Variants in NCKAP5 observed in about 807,000 individuals in gnomAD.
The protein encoded by NCKAP5 is nck-associated protein 5.
A neutral mutation model predicts 167.0 loss-of-function variants in NCKAP5; 92 were observed. The observed-to-expected ratio is 0.55, with a 90% CI of 0.47 to 0.66. The LOEUF (loss-of-function observed/expected upper bound fraction) is 0.66, where lower values mean the gene tolerates loss of function less well. Among genes scored for constraint, NCKAP5 ranks in the 30% least tolerant of loss-of-function variants. The pLI, the probability that NCKAP5 is intolerant of heterozygous loss-of-function variation, is 0.00. For synonymous variants in NCKAP5, 891 were observed against 877.4 expected (o/e 1.02, Z -0.27); for missense variants, 2,378 against 2,315.0 (o/e 1.03, Z -0.56).
At chr2:133,428,615 T>C (rs530704023) in intron 3 of NCKAP5, among the ~76,000 whole-genome samples, 10 of 152,030 alleles carry the variant, frequency 6.6e-5, no homozygotes, top group South Asian at 4.2e-4. Context: ...AAGGGAAAAA[T>C]AGACATAATT....
chr2:132,857,038 G>A (rs1381465995), intron 11 of NCKAP5, among the ~76,000 whole-genome samples: 1 of 152,166 alleles, frequency 6.6e-6, no homozygotes. Flanking sequence ...GATGAAATTG[G>A]TGAGTGCTGT....
intron 8 of NCKAP5, among the ~76,000 whole-genome samples, chr2:132,895,401 A>G (rs545730229): frequency 6.6e-6 from 1 of 151,202 alleles, no homozygotes; most frequent in African/African-American, 2.4e-5. Context: ...GAGAGAAGTT[A>G]CCTTTGATTT....
At chr2:132,868,655 T>C (rs957634346) in intron 10 of NCKAP5, among the ~76,000 whole-genome samples, 1 of 152,196 alleles carries the variant, frequency 6.6e-6, no homozygotes, top group Non-Finnish European at 1.5e-5. Context: ...TGCAAGTTTG[T>C]ATTTACTAAA....
At chr2:132,906,229 C>T (rs1375213647) in intron 8 of NCKAP5, among the ~76,000 whole-genome samples, 1 of 152,100 alleles carries the variant, frequency 6.6e-6, no homozygotes, top group Non-Finnish European at 1.5e-5. Context: ...GAGTAGCTAA[C>T]AGAGCAAGAG....
At chr2:132,702,231 C>T (rs946163877) in intron 19 of NCKAP5, among the ~76,000 whole-genome samples, 6 of 152,130 alleles carry the variant, frequency 3.9e-5, no homozygotes, top group Non-Finnish European at 8.8e-5. Flanking sequence ...AAGACATTCT[C>T]CACTGAGCTC....
chr2:132,965,389 G>C (rs2076629198), intron 7 of NCKAP5, among the ~76,000 whole-genome samples: 1 of 152,176 alleles, frequency 6.6e-6, no homozygotes, highest in South Asian at 2.1e-4. Flanking sequence ...GGAATATGAA[G>C]TTTGTAGATA....
At chr2:133,410,287 T>G (rs1688693979) in intron 3 of NCKAP5, among the ~76,000 whole-genome samples, 1 of 152,182 alleles carries the variant, frequency 6.6e-6, no homozygotes, top group Non-Finnish European at 1.5e-5. Context: ...TGTCCAAGAC[T>G]GTTCAACAAA....
At chr2:133,176,011 A>G (rs1436222445) in intron 5 of NCKAP5, among the ~76,000 whole-genome samples, 2 of 152,198 alleles carry the variant, frequency 1.3e-5, no homozygotes, top group Non-Finnish European at 2.9e-5. Context: ...TGTACATGCT[A>G]ACAAAGAGCC....
intron 8 of NCKAP5, among the ~76,000 whole-genome samples, chr2:132,960,564 A>G (rs2076481683): frequency 6.6e-6 from 1 of 152,206 alleles, no homozygotes; most frequent in Non-Finnish European, 1.5e-5. Flanking sequence ...GCTCTGTTTC[A>G]TAAGAGGTTG....
chr2:132,964,605 T>C (rs1318322241), intron 7 of NCKAP5, among the ~76,000 whole-genome samples: 1 of 151,764 alleles, frequency 6.6e-6, no homozygotes, highest in African/African-American at 2.4e-5. Context: ...GATTACCATA[T>C]TAAAAAAAAA....
chr2:133,333,141 C>T (rs1404122757), intron 3 of NCKAP5, among the ~76,000 whole-genome samples: 2 of 152,146 alleles, frequency 1.3e-5, no homozygotes, highest in Admixed American at 6.5e-5. Flanking sequence ...TTAAGTCTTC[C>T]CAGAATTAGT....
At chr2:133,095,056 C>G (rs973411316) in intron 6 of NCKAP5, among the ~76,000 whole-genome samples, 2 of 152,180 alleles carry the variant, frequency 1.3e-5, no homozygotes. Flanking sequence ...ACCTTGATTT[C>G]AGCCTTATGA....
the NCKAP5 span, among the ~76,000 whole-genome samples, chr2:133,667,439 C>T: frequency 1.8e-4 from 28 of 152,090 alleles, no homozygotes; most frequent in East Asian, 5.4e-3. Context: ...TTTGGGTCCT[C>T]CTCAGTCTCT....
chr2:132,729,036 C>A, intron 17 of NCKAP5, 84 bp from the exon 18 acceptor site: 1 of 1,553,844 alleles, frequency 6.4e-7, no homozygotes, highest in Middle Eastern at 1.7e-4. Context: ...GGGAGACATT[C>A]AGAAATAATA....
intron 3 of NCKAP5, among the ~76,000 whole-genome samples, chr2:133,466,300 G>T (rs1414872623): frequency 1.4e-5 from 2 of 147,674 alleles, no homozygotes; most frequent in South Asian, 2.2e-4. Flanking sequence ...TCTCAGGTTT[G>T]TCAAAGATCA....
intron 3 of NCKAP5, among the ~76,000 whole-genome samples, chr2:133,378,932 C>A (rs896477658): frequency 2.0e-5 from 3 of 152,118 alleles, no homozygotes; most frequent in Non-Finnish European, 4.4e-5. Context: ...CACTTTGTTT[C>A]TAATTATTTC....
chr2:133,278,162 G>A (rs936266314), intron 4 of NCKAP5, among the ~76,000 whole-genome samples: 9 of 152,100 alleles, frequency 5.9e-5, no homozygotes, highest in Non-Finnish European at 1.3e-4. Flanking sequence ...AAAATAGTAT[G>A]GTATATCAGC....
intron 5 of NCKAP5, among the ~76,000 whole-genome samples, chr2:133,149,717 C>T (rs2083318814): frequency 6.6e-6 from 1 of 152,060 alleles, no homozygotes; most frequent in African/African-American, 2.4e-5. Context: ...TACTTCTTGC[C>T]AGACACTCAA....
chr2:133,177,807 T>TG (rs2084536323), intron 5 of NCKAP5, among the ~76,000 whole-genome samples: 1 of 152,146 alleles, frequency 6.6e-6, no homozygotes, highest in Admixed American at 6.5e-5. Context: ...GGAGACCACC[T>TG]GGGAAGTCTG....
Sources: allele counts gnomAD v4.1 joint callset (sites outside exome capture counted in the v4.1 genomes callset), GRCh38; gene constraint gnomAD v4.1.1; transcripts MANE v1.5; gene names NCBI Gene and HGNC (gene_info 2026-07-23, HGNC 2026-07-21).